ARL15: variants seen among roughly 807,000 people sequenced by gnomAD.
The protein encoded by ARL15 is ARF like GTPase 15.
A neutral mutation model predicts 25.2 loss-of-function variants in ARL15; 19 were observed. That is an observed-to-expected ratio of 0.75 (90% CI 0.53 to 1.10). The LOEUF is 1.10. Ranked by LOEUF, ARL15 falls within the 50% of genes least tolerant of loss-of-function variation. The pLI is 0.00. For missense variants in ARL15, 220 were observed against 246.0 expected (o/e 0.89, Z 0.71); for synonymous variants, 94 against 86.8 (o/e 1.08, Z -0.46).
At chr5:54,092,630 T>G (rs749507577) in intron 4 of ARL15, among the ~76,000 whole-genome samples, 13 of 152,166 alleles carry the variant, frequency 8.5e-5, no homozygotes, top group Non-Finnish European at 1.8e-4. Context: ...GCATTATTCC[T>G]TAAAGCGTTT....
intron 4 of ARL15, among the ~76,000 whole-genome samples, chr5:54,106,494 C>T (rs945447589): frequency 5.9e-5 from 9 of 152,052 alleles, no homozygotes; most frequent in Admixed American, 2.0e-4. Context: ...AAATCTGAGA[C>T]GCATAAATCC....
Position 54,000,680 on chromosome 5 carries a change from C to G in ARL15, c.462+112522G>C, listed in dbSNP as rs768839376. On this transcript the variant is annotated intron_variant, in intron 4 of 4. Coordinates refer to ENST00000504924, the MANE Select transcript of ARL15 (RefSeq NM_019087.3). ...GAGTTTTTCATACCCTAGTCTCTGTCTTCCCTTATAAGAAATAATCCCTGT... is the reference window on the plus strand; with the variant it reads ...GAGTTTTTCATACCCTAGTCTCTGTGTTCCCTTATAAGAAATAATCCCTGT... Among the ~76,000 whole-genome samples the G allele has an allele frequency of 4.6e-5, 7 of 152,262 alleles. No homozygotes were observed. In the East Asian group the frequency reaches 1.4e-3, roughly 29 times the overall value.
At chr5:54,204,506 G>C (rs1302574757) in intron 1 of ARL15, among the ~76,000 whole-genome samples, 1 of 152,158 alleles carries the variant, frequency 6.6e-6, no homozygotes, top group Admixed American at 6.5e-5. Flanking sequence ...GCCTAAATAT[G>C]AATCTCCATT....
chr5:54,272,392 G>C (rs775247465), intron 1 of ARL15, among the ~76,000 whole-genome samples: 18 of 151,968 alleles, frequency 1.2e-4, no homozygotes, highest in Non-Finnish European at 2.1e-4. Context: ...TACTAGTTCT[G>C]AGGATAAAAC....
intron 4 of ARL15, among the ~76,000 whole-genome samples, chr5:53,955,753 C>G (rs1049856023): frequency 6.6e-6 from 1 of 152,188 alleles, no homozygotes; most frequent in African/African-American, 2.4e-5. Flanking sequence ...TTAAAGGCAA[C>G]AGTCTGGATT....
intron 4 of ARL15, among the ~76,000 whole-genome samples, chr5:53,925,944 G>T (rs1030302973): frequency 6.6e-6 from 1 of 151,010 alleles, no homozygotes; most frequent in African/African-American, 2.4e-5. Context: ...AAGGGTTGGG[G>T]TCTACCAATT....
At chr5:54,138,919 C>T (rs780821517) in intron 3 of ARL15, among the ~76,000 whole-genome samples, 6 of 151,982 alleles carry the variant, frequency 3.9e-5, no homozygotes, top group Non-Finnish European at 5.9e-5. Context: ...TGAAAAAATG[C>T]CCAATATCAG....
chr5:54,232,763 A>T (rs1185995737), intron 1 of ARL15, among the ~76,000 whole-genome samples: 1 of 152,166 alleles, frequency 6.6e-6, no homozygotes, highest in Non-Finnish European at 1.5e-5. Flanking sequence ...CTATTCCCAC[A>T]AGAGCCATCA....
intron 3 of ARL15, among the ~76,000 whole-genome samples, chr5:54,113,872 G>C (rs1329211696): frequency 1.3e-5 from 2 of 152,108 alleles, no homozygotes; most frequent in South Asian, 4.1e-4. Flanking sequence ...TAACAGAACT[G>C]CTTGCTGATC....
At chr5:54,065,392 G>A (rs1467215981) in intron 4 of ARL15, among the ~76,000 whole-genome samples, 3 of 152,172 alleles carry the variant, frequency 2.0e-5, no homozygotes, top group African/African-American at 7.2e-5. Context: ...CTGGCTGGGC[G>A]CAGTGGCTAA....
intron 4 of ARL15, among the ~76,000 whole-genome samples, chr5:53,986,193 T>C (rs181715201): frequency 2.0e-4 from 30 of 152,336 alleles, no homozygotes; most frequent in Admixed American, 2.0e-4. Flanking sequence ...ACCCTGAATG[T>C]TATGTTTCTG....
Position 53,997,378 on chromosome 5 carries a change from G to A in ARL15, c.463-110665C>T, listed in dbSNP as rs575462530. ...CCAAGCAGTAGACAGTCTCTCTGCT[G>A]CCCTATCAATCTCTTTTCCTGACTA... On this transcript the variant is annotated intron_variant, in intron 4 of 4. Coordinates refer to ENST00000504924, the MANE Select transcript of ARL15 (RefSeq NM_019087.3). 2.9e-4 allele frequency among the ~76,000 whole-genome samples: 44 copies of A among 152,204 alleles called. No homozygotes were observed. The South Asian group carries it at 8.7e-3, about 30-fold the overall frequency.
chr5:53,951,576 A>G (rs1746960441), intron 4 of ARL15: 1 of 473,516 alleles, frequency 2.1e-6, no homozygotes, highest in Non-Finnish European at 4.4e-6. Flanking sequence ...TGATCTAGAG[A>G]ACACAAGAAT....
intron 4 of ARL15, among the ~76,000 whole-genome samples, chr5:53,888,519 G>A (rs1464810381): frequency 4.6e-5 from 7 of 152,112 alleles, no homozygotes; most frequent in Non-Finnish European, 1.0e-4. Context: ...CCTAAGCTCA[G>A]GGGCTTCTGC....
At chr5:54,134,424 G>A (rs1222250539) in intron 3 of ARL15, among the ~76,000 whole-genome samples, 2 of 152,098 alleles carry the variant, frequency 1.3e-5, no homozygotes, top group Non-Finnish European at 2.9e-5. Flanking sequence ...AAGGGGCTAG[G>A]TCTTCTATGA....
At chr5:54,071,183 G>T (rs1751406886) in intron 4 of ARL15, among the ~76,000 whole-genome samples, 2 of 148,960 alleles carry the variant, frequency 1.3e-5, no homozygotes, top group African/African-American at 5.0e-5. Context: ...AAAAAAAAAA[G>T]AAATACATTT....
At position 54,119,824 on chromosome 5, in the gene ARL15, C is replaced by T. The variant is rs189726405; in HGVS notation, c.254-6414G>A. 7.2e-5 allele frequency among the ~76,000 whole-genome samples: 11 copies of T among 152,244 alleles called. No individual in the cohort carries two copies. The East Asian group carries it at 1.4e-3, about 19-fold the overall frequency. ...TCTTGTAAATTCAAACCACTACATG[C>T]GCTTCAGGGGCCAGATCAAATGTTG... On this transcript the variant is annotated intron_variant, in intron 3 of 4. Transcript: ENST00000504924.
chr5:54,055,599 G>C (rs1387693358), intron 4 of ARL15, among the ~76,000 whole-genome samples: 1 of 152,042 alleles, frequency 6.6e-6, no homozygotes, highest in Non-Finnish European at 1.5e-5. Context: ...GAACTCAGGT[G>C]ATCCACCCGT....
intron 4 of ARL15, among the ~76,000 whole-genome samples, chr5:53,957,586 A>C (rs754112025): frequency 3.3e-5 from 5 of 152,170 alleles, no homozygotes; most frequent in Non-Finnish European, 7.3e-5. Context: ...CTATAATCCC[A>C]GCACTTTGGG....
Sources: allele counts gnomAD v4.1 joint callset (sites outside exome capture counted in the v4.1 genomes callset), GRCh38; gene constraint gnomAD v4.1.1; transcripts MANE v1.5; gene names NCBI Gene and HGNC (gene_info 2026-07-23, HGNC 2026-07-21).